Variants in CXXC5 observed in about 807,000 individuals in gnomAD.
CXXC5 encodes CXXC finger protein 5, also known as CXXC-type zinc finger protein 5.
Under a neutral mutation model 17.6 loss-of-function variants are expected in CXXC5, and 2 were observed. That is an observed-to-expected ratio of 0.11 (90% confidence interval 0.05 to 0.36). The LOEUF is 0.36. Among genes scored for constraint, CXXC5 ranks in the 10% least tolerant of loss-of-function variants. The probability of loss-of-function intolerance (pLI) is 1.00; values close to 1 mark genes in which losing one functional copy is unlikely to be tolerated. For missense variants in CXXC5, 343 were observed against 458.3 expected (o/e 0.75, Z 2.30); for synonymous variants, 171 against 193.0 (o/e 0.89, Z 0.94).
At chr5:139,669,484 G>A (rs1756327269) in intron 1 of CXXC5, among the ~76,000 whole-genome samples, 1 of 151,956 alleles carries the variant, frequency 6.6e-6, no homozygotes, top group Non-Finnish European at 1.5e-5. Flanking sequence ...CAAGTGACAA[G>A]ACTTGTGGCT....
chr5:139,654,242 C>T (rs1755370104), intron 1 of CXXC5, among the ~76,000 whole-genome samples: 1 of 152,188 alleles, frequency 6.6e-6, no homozygotes, highest in African/African-American at 2.4e-5. Flanking sequence ...CACTGAGCTC[C>T]ACTGCTACCG....
At chr5:139,660,527 A>G (rs115865159) in intron 1 of CXXC5, among the ~76,000 whole-genome samples, 2,131 of 152,108 alleles carry the variant, frequency 0.014, 49 homozygotes, top group African/African-American at 0.048. Flanking sequence ...GAAGACCCCA[A>G]CCCAGTCACC....
chr5:139,682,685 C>G (rs890311289), intron 2 of CXXC5, among the ~76,000 whole-genome samples, 178 bp from the exon 3 acceptor site: 1 of 152,194 alleles, frequency 6.6e-6, no homozygotes, highest in Non-Finnish European at 1.5e-5. Context: ...TCCAGCAGCC[C>G]AGCAGGTCAA....
intron 1 of CXXC5, among the ~76,000 whole-genome samples, chr5:139,678,222 C>A (rs1756971885): frequency 6.6e-6 from 1 of 152,236 alleles, no homozygotes; most frequent in Non-Finnish European, 1.5e-5. Flanking sequence ...CCCTGGTCCC[C>A]AACAACTAGC....
intron 1 of CXXC5, among the ~76,000 whole-genome samples, chr5:139,667,352 T>C (rs1561539838): frequency 6.6e-6 from 1 of 152,170 alleles, no homozygotes; most frequent in Non-Finnish European, 1.5e-5. Flanking sequence ...TTTTAAACCT[T>C]TCTCTGTGTG....
chr5:139,674,459 A>G (rs1053595818), intron 1 of CXXC5, among the ~76,000 whole-genome samples: 2 of 152,158 alleles, frequency 1.3e-5, no homozygotes, highest in Non-Finnish European at 2.9e-5. Context: ...GCATTGAGCC[A>G]GGGTGTGCAG....
chr5:139,655,348 C>T (rs1755432018), intron 1 of CXXC5, among the ~76,000 whole-genome samples: 1 of 152,116 alleles, frequency 6.6e-6, no homozygotes, highest in African/African-American at 2.4e-5. Context: ...CTTTGTCACT[C>T]ACTGGCCTAG....
intron 2 of CXXC5, 73 bp from the exon 3 acceptor site, chr5:139,682,790 G>A (rs961977042): frequency 1.3e-5 from 19 of 1,440,342 alleles, no homozygotes; most frequent in Non-Finnish European, 1.8e-5. Flanking sequence ...ATCCATGGGG[G>A]AACGTCTTTG....
chr5:139,664,267 T>G (rs941272839), intron 1 of CXXC5, among the ~76,000 whole-genome samples: 13 of 152,020 alleles, frequency 8.6e-5, no homozygotes, highest in African/African-American at 3.1e-4. Context: ...TGCAGACAGG[T>G]TCTGGGAAAC....
chr5:139,661,829 G>T lies in CXXC5; in HGVS notation c.-161+12984G>T, dbSNP rs372036402. Among the ~76,000 whole-genome samples the T allele has an allele frequency of 6.6e-6, 1 of 152,256 alleles. No homozygotes were observed. The highest frequency in any genetic ancestry group is 2.4e-5 in the African/African-American group (1 of 41,462). On this transcript the variant is annotated intron_variant, in intron 1 of 2. Transcript: ENST00000302517. This position sits in a 1 kb window ranked among gnomAD's most constrained non-coding sequence, Gnocchi z 4.7. Reference sequence around the variant, plus strand: ...AGGTGTGGGTGGGGAAGTGGAGATGGTTTTTTCCCATAGCCAACCTGGCTC... The same window carrying T: ...AGGTGTGGGTGGGGAAGTGGAGATGTTTTTTTCCCATAGCCAACCTGGCTC...
In CXXC5 at chr5:139,668,619, A is replaced by C. The variant is rs1756266255; in HGVS notation, c.-160-11745A>C. Among the ~76,000 whole-genome samples the C allele has an allele frequency of 6.6e-6, 1 of 152,112 alleles. No individual in the cohort carries two copies. The highest frequency in any genetic ancestry group is 1.5e-5 in the Non-Finnish European group (1 of 68,006). Reference sequence around the variant, plus strand: ...CGCCTGGCTTAACCCAGACGAGCCCAGGACGCCCTATCCCTGAACCCCATC... The same window carrying C: ...CGCCTGGCTTAACCCAGACGAGCCCCGGACGCCCTATCCCTGAACCCCATC... On this transcript the variant is annotated intron_variant, in intron 1 of 2. Transcript: ENST00000302517. This position sits in a 1 kb window ranked among gnomAD's most constrained non-coding sequence, Gnocchi z 4.1.
intron 1 of CXXC5, among the ~76,000 whole-genome samples, 199 bp from the exon 2 acceptor site, chr5:139,680,165 A>T (rs1757095991): frequency 6.6e-6 from 1 of 152,228 alleles, no homozygotes; most frequent in South Asian, 2.1e-4. Context: ...ATTACCAGCC[A>T]CTGCTTCTAG....
rs1327942744 is a variant in CXXC5 at position 139,648,819 on chromosome 5, T to C, written c.-187T>C. On this transcript the variant is annotated 5_prime_UTR_variant, in exon 1 of 3. Transcript: ENST00000302517. ...CTCGGCCTCGCGGCGACGGCGGCGG[T>C]GGCGGCTTGGACGACTCGGAGAGCC... The C allele has an allele frequency of 6.6e-6, 1 of 152,466 alleles. No individual in the cohort carries two copies. Among genetic ancestry groups the C allele is most frequent in the African/African-American group, 2.4e-5 (1 of 41,224 alleles). The allele number at this position is 152,466 out of a possible 1,614,324, so 9.4% of individuals were successfully genotyped here.
chr5:139,681,915 C>T (rs1247535838), intron 2 of CXXC5, among the ~76,000 whole-genome samples: 4 of 152,194 alleles, frequency 2.6e-5, no homozygotes, highest in Non-Finnish European at 4.4e-5. Context: ...GGCCATCTTT[C>T]CCCCAAGGCC....
At chr5:139,681,595 C>G (rs1757243766) in intron 2 of CXXC5, 148 bp downstream of exon 2, 1 of 944,454 alleles carries the variant, frequency 1.1e-6, no homozygotes, top group Admixed American at 2.9e-5. Context: ...GGTCTGGCTT[C>G]AAGACACCAG....
At chr5:139,648,937 G>A (rs1755006395) in intron 1 of CXXC5, 92 bp downstream of exon 1, 1 of 152,100 alleles carries the variant, frequency 6.6e-6, no homozygotes. Flanking sequence ...CCCGGGGTTC[G>A]GTGCGCGGCC....
In CXXC5 at chr5:139,658,775, G is replaced by A. The variant is rs778693132; in HGVS notation, c.-161+9930G>A. On this transcript the variant is annotated intron_variant, in intron 1 of 2. Transcript: ENST00000302517. The surrounding 1 kb of genome is among the most constrained non-coding windows in gnomAD (Gnocchi z 4.1). ...TGGGGTCCTCAGCAGCCCCATCTGTGCAATGGGGAGAGGAGGCTTTTTTCA... is the reference window on the plus strand; with the variant it reads ...TGGGGTCCTCAGCAGCCCCATCTGTACAATGGGGAGAGGAGGCTTTTTTCA... Among the ~76,000 whole-genome samples, 7 of 152,238 alleles carry A rather than the reference G, an allele frequency of 4.6e-5. No individual in the cohort carries two copies. Among genetic ancestry groups the A allele is most frequent in the African/African-American group, 2.4e-5 (1 of 41,478 alleles).
Position 139,680,364 on chromosome 5 carries a change from A to G in CXXC5, c.-160A>G. On this transcript the variant is annotated splice_region_variant and 5_prime_UTR_variant, in exon 2 of 3. Transcript: ENST00000302517. ...CTGACCCTGTATCCTCTTGTGACAG[A>G]GTGAAGACATTTCCACCTGGACACC... The G allele has an allele frequency of 9.7e-7, 1 of 1,029,932 alleles. No individual in the cohort carries two copies. The highest frequency in any genetic ancestry group is 1.4e-6 in the Non-Finnish European group (1 of 729,946). The allele number at this position is 1,029,932 out of a possible 1,614,324, so 63.8% of individuals were successfully genotyped here.
chr5:139,651,789 C>CAA (rs1273536277), intron 1 of CXXC5, among the ~76,000 whole-genome samples: 2 of 152,088 alleles, frequency 1.3e-5, no homozygotes, highest in Non-Finnish European at 2.9e-5. Context: ...GTTCCTAGAG[C>CAA]CCCTGTCTGG....
Sources: gnomAD v4.1 joint callset for allele counts (sites outside exome capture counted in the v4.1 genomes callset) on GRCh38, gnomAD v4.1.1 for gene constraint, Gnocchi (gnomAD v3.1) non-coding constraint, MANE v1.5 for transcripts, NCBI Gene and HGNC (gene_info 2026-07-23, HGNC 2026-07-21) for gene names.